The following LIPK variants were observed in gnomAD, a reference collection of about 807,000 sequenced individuals.
LIPK encodes lipase member K.
LIPK carries 32 observed loss-of-function variants against 48.6 expected under a neutral mutation model. That is an observed-to-expected ratio of 0.66 (90% CI 0.50 to 0.88). The LOEUF is 0.88. Among genes scored for constraint, LIPK ranks in the 40% least tolerant of loss-of-function variants. The pLI, the probability that LIPK is intolerant of heterozygous loss-of-function variation, is 0.00. For synonymous variants in LIPK, 164 were observed against 157.4 expected (o/e 1.04, Z -0.32); for missense variants, 507 against 478.5 (o/e 1.06, Z -0.56).
chr10:88,738,920 C>T (rs1842626924), intron 7 of LIPK, among the ~76,000 whole-genome samples: 1 of 152,206 alleles, frequency 6.6e-6, no homozygotes, highest in Non-Finnish European at 1.5e-5. Flanking sequence ...AAAAAATACA[C>T]ATGTCCAGAA....
In LIPK at chr10:88,717,402, T is replaced by C. The variant is rs529248684; in HGVS notation, c.-11-7131T>C. On this transcript the variant is annotated intron_variant, in intron 1 of 9. Coordinates refer to ENST00000404190, the MANE Select transcript of LIPK (RefSeq NM_001080518.2). ...CCTTATATTCCGGTATTTTCTATTTTTTTATGATTTAGTTATGCTGTCTTT... is the reference window on the plus strand; with the variant it reads ...CCTTATATTCCGGTATTTTCTATTTCTTTATGATTTAGTTATGCTGTCTTT... Among the ~76,000 whole-genome samples the C allele has an allele frequency of 2.6e-5, 4 of 152,324 alleles. No individual in the cohort carries two copies. The East Asian group carries it at 7.7e-4, about 29-fold the overall frequency.
chr10:88,734,871 C>T (rs1227261357), intron 6 of LIPK, among the ~76,000 whole-genome samples: 1 of 152,188 alleles, frequency 6.6e-6, no homozygotes, highest in African/African-American at 2.4e-5. Context: ...AACGGGCTTT[C>T]TTTCTCCTCT....
At chr10:88,729,645 C>T (rs1444507803) in intron 3 of LIPK, among the ~76,000 whole-genome samples, 7 of 152,174 alleles carry the variant, frequency 4.6e-5, no homozygotes, top group Admixed American at 4.6e-4. Context: ...AGACTCAGAT[C>T]AAAGAGGCCT....
rs1842297186 is a variant in LIPK at position 88,724,638 on chromosome 10, A to C, written c.95A>C (p.Asn32Thr). ...GGAAACAATGCAAACCCTGAAGCTA[A>C]TATGAATATTGTAAGTCATTTATTC... ...KKGNNANPEA[N>T]MNISQIISYW... Residue 32 changes from asparagine (N) to threonine (T), a missense_variant, in exon 2 of 10, where the codon AAT (asparagine) becomes ACT (threonine). Physicochemically the swap from Asn to Thr is moderately conservative, Grantham distance 65 (BLOSUM62 0). Transcript: ENST00000404190. 1.3e-6 allele frequency: 2 copies of C among 1,588,398 alleles called. No homozygotes were observed. Among genetic ancestry groups the C allele is most frequent in the Non-Finnish European group, 1.7e-6 (2 of 1,169,928 alleles).
At chr10:88,748,079 A>G (rs983368097) in intron 9 of LIPK, among the ~76,000 whole-genome samples, 2 of 152,242 alleles carry the variant, frequency 1.3e-5, no homozygotes, top group Non-Finnish European at 2.9e-5. Flanking sequence ...ATGCAGTCAT[A>G]GTACCATGCA....
intron 1 of LIPK, among the ~76,000 whole-genome samples, chr10:88,711,423 C>G (rs935684875): frequency 6.6e-6 from 1 of 152,108 alleles, no homozygotes; most frequent in Non-Finnish European, 1.5e-5. Flanking sequence ...ATTCCAAGTA[C>G]AATACAATAA....
At chr10:88,742,250 C>A (rs1353104818) in intron 8 of LIPK, among the ~76,000 whole-genome samples, 1 of 152,182 alleles carries the variant, frequency 6.6e-6, no homozygotes, top group Non-Finnish European at 1.5e-5. Flanking sequence ...AGAGCCAAAC[C>A]AAATCATCAG....
In LIPK at chr10:88,740,022, C is replaced by T. The variant is rs1460948497; in HGVS notation, c.843C>T (p.His281=). ...NMSRLDVYLS[H]NPAGTSVQNM... is the part of the protein sequence containing the mutation. ...GTCGCTTGGATGTTTATTTGTCACA[C>T]AATCCTGCGGGAACATCTGTTCAGA... is the stretch of plus-strand genomic sequence containing the variant. The change falls in exon 8 of 10, where the codon CAC becomes CAT. Residue 281 remains histidine, a synonymous_variant. Coordinates refer to ENST00000404190, the MANE Select transcript of LIPK (RefSeq NM_001080518.2). The T allele has an allele frequency of 7.5e-6, 12 of 1,602,474 alleles. No homozygotes were observed. Among genetic ancestry groups the T allele is most frequent in the Non-Finnish European group, 1.0e-5 (12 of 1,173,720 alleles).
chr10:88,731,318 T>G, intron 4 of LIPK, 137 bp downstream of exon 4: 3 of 714,060 alleles, frequency 4.2e-6, no homozygotes, highest in Non-Finnish European at 6.4e-6. Flanking sequence ...TTTCTTTCTC[T>G]ACCCAAACTT....
intron 1 of LIPK, among the ~76,000 whole-genome samples, chr10:88,718,395 C>T (rs527473695): frequency 1.3e-5 from 2 of 149,486 alleles, no homozygotes; most frequent in Non-Finnish European, 3.0e-5. Flanking sequence ...AAATTTTTAT[C>T]CCATTTGTCA....
chr10:88,715,562 C>G (rs1842100235), intron 1 of LIPK, among the ~76,000 whole-genome samples: 1 of 151,896 alleles, frequency 6.6e-6, no homozygotes, highest in South Asian at 2.1e-4. Context: ...CATAGTTGGG[C>G]CCCGCTTTTT....
chr10:88,712,968 C>T (rs572407087), intron 1 of LIPK, among the ~76,000 whole-genome samples: 1 of 152,152 alleles, frequency 6.6e-6, no homozygotes, highest in Non-Finnish European at 1.5e-5. Flanking sequence ...CAGCCTGTAA[C>T]TCTATATTAG....
chr10:88,721,147 T>C (rs1351248782), intron 1 of LIPK, among the ~76,000 whole-genome samples: 1 of 105,702 alleles, frequency 9.5e-6, no homozygotes, highest in African/African-American at 4.0e-5. Context: ...CATATAAGGA[T>C]ATATGAAACA....
intron 9 of LIPK, among the ~76,000 whole-genome samples, chr10:88,743,866 A>C (rs1162000684): frequency 1.3e-5 from 2 of 152,156 alleles, no homozygotes; most frequent in Non-Finnish European, 2.9e-5. Context: ...CTTACTATGG[A>C]CCTACCTGTA....
rs1243213904 is a variant in LIPK, at chr10:88,741,525, G to A, written c.888+1458G>A. Among the ~76,000 whole-genome samples, 5 of 152,284 alleles carry A rather than the reference G, an allele frequency of 3.3e-5. No individual in the cohort carries two copies. The East Asian group carries it at 9.7e-4, about 29-fold the overall frequency. On this transcript the variant is annotated intron_variant, in intron 8 of 9. Coordinates refer to ENST00000404190, the MANE Select transcript of LIPK (RefSeq NM_001080518.2). ...ACAGGCGTGAGCACTGCGCATGGCTGCCTGTTCCTTATACATTTTACAATT... is the reference window on the plus strand; with the variant it reads ...ACAGGCGTGAGCACTGCGCATGGCTACCTGTTCCTTATACATTTTACAATT...
chr10:88,724,017 T>C (rs973452890), intron 1 of LIPK, among the ~76,000 whole-genome samples: 2 of 152,186 alleles, frequency 1.3e-5, no homozygotes, highest in African/African-American at 2.4e-5. Flanking sequence ...AGTGTTTATA[T>C]ACACGTCATT....
At chr10:88,728,903 G>A in intron 3 of LIPK, 1 of 183,986 alleles carries the variant, frequency 5.4e-6, no homozygotes, top group Non-Finnish European at 1.2e-5. Flanking sequence ...GTCCTCTGAT[G>A]TCCTGCCCAA....
rs570352880 is a variant in LIPK at position 88,734,665 on chromosome 10, T to C, written c.669+2114T>C. The stretch of plus-strand genomic sequence containing the variant: ...AGGAGAATCATTATGGAGTTATTGT[T>C]AACACATCAGTTGATAGATGTTGGG... On this transcript the variant is annotated intron_variant, in intron 6 of 9. Coordinates refer to ENST00000404190, the MANE Select transcript of LIPK (RefSeq NM_001080518.2). Among the ~76,000 whole-genome samples the C allele has an allele frequency of 2.4e-4, 36 of 152,226 alleles. No homozygotes were observed. The South Asian group carries it at 7.5e-3, about 32-fold the overall frequency.
At chr10:88,733,543 C>A (rs995853539) in intron 6 of LIPK, among the ~76,000 whole-genome samples, 3 of 152,192 alleles carry the variant, frequency 2.0e-5, no homozygotes, top group Admixed American at 6.5e-5. Context: ...AGCAGAAAAA[C>A]CACCTGAAAA....
Sources: gnomAD v4.1 joint callset for allele counts (sites outside exome capture counted in the v4.1 genomes callset) on GRCh38, gnomAD v4.1.1 for gene constraint, MANE v1.5 for transcripts, NCBI Gene and HGNC (gene_info 2026-07-23, HGNC 2026-07-21) for gene names.